LRP1B: variants seen among roughly 807,000 people sequenced by gnomAD.
LRP1B encodes low-density lipoprotein receptor-related protein 1B.
In LRP1B, 217 loss-of-function variants were observed where a neutral mutation model predicts 556.6. That is an observed-to-expected ratio of 0.39 (90% CI 0.35 to 0.44). The LOEUF is 0.44. LRP1B is among the 20% of genes least tolerant of loss of function. The pLI, the probability that LRP1B is intolerant of heterozygous loss-of-function variation, is 1.00. For missense variants in LRP1B, 5,053 were observed against 5,620.8 expected (o/e 0.90, Z 3.23); for synonymous variants, 2,047 against 1,865.8 (o/e 1.10, Z -2.50).
At chr2:142,034,344 C>T (rs12617281) in intron 1 of LRP1B, among the ~76,000 whole-genome samples, 4,457 of 151,778 alleles carry the variant, frequency 0.029, 157 homozygotes, top group South Asian at 0.14. Flanking sequence ...TTTTGCTTTA[C>T]CTCTACACAT....
intron 35 of LRP1B, among the ~76,000 whole-genome samples, chr2:140,732,912 G>C (rs1687825507): frequency 6.6e-6 from 1 of 152,096 alleles, no homozygotes. Flanking sequence ...AAGAAGGGTA[G>C]ATCAAGGACA....
chr2:140,722,907 T>A (rs2105478322), intron 35 of LRP1B, among the ~76,000 whole-genome samples: 1 of 152,086 alleles, frequency 6.6e-6, no homozygotes, highest in African/African-American at 2.4e-5. Context: ...GCCGGGCATG[T>A]TGGCGGGCGC....
intron 6 of LRP1B, among the ~76,000 whole-genome samples, chr2:141,209,890 G>T (rs934206657): frequency 2.6e-5 from 4 of 152,162 alleles, no homozygotes; most frequent in African/African-American, 9.7e-5. Context: ...TATGTTTAGA[G>T]CTGAGATTCT....
intron 41 of LRP1B, among the ~76,000 whole-genome samples, chr2:140,602,951 T>C (rs944802812): frequency 6.6e-6 from 1 of 151,928 alleles, no homozygotes; most frequent in African/African-American, 2.4e-5. Flanking sequence ...GCTGATAATA[T>C]TAACACAAAA....
At position 141,003,681 on chromosome 2, in the gene LRP1B, C is replaced by T. The variant is rs116597965; in HGVS notation, c.2503+1654G>A. 3.1e-3 allele frequency among the ~76,000 whole-genome samples: 470 copies of T among 152,104 alleles called. 3 individuals are homozygous for T. Among genetic ancestry groups the T allele is most frequent in the African/African-American group, 0.011 (457 of 41,516 alleles). On this transcript the variant is annotated intron_variant, in intron 15 of 90. Coordinates refer to ENST00000389484, the MANE Select transcript of LRP1B (RefSeq NM_018557.3). ...GTGAGGCCTCCTGAACTATGTAAGC[C>T]CATTAAACCTCTTTCTTTTGTAAAT...
intron 18 of LRP1B, among the ~76,000 whole-genome samples, chr2:140,972,004 A>T (rs1253660377): frequency 6.6e-6 from 1 of 152,228 alleles, no homozygotes; most frequent in Non-Finnish European, 1.5e-5. Context: ...AATTGGGGAA[A>T]TGCTGAGTTA....
chr2:140,325,165 CAGAGAAAAAGTATGAG>C (rs1558802691), intron 80 of LRP1B, among the ~76,000 whole-genome samples: 1 of 151,440 alleles, frequency 6.6e-6, no homozygotes, highest in African/African-American at 2.4e-5. Flanking sequence ...GACAGCCAGG[CAGAGAAAAAGTATGAG>C]GAAGAGAAGG....
chr2:141,075,546 A>G (rs939304399), intron 7 of LRP1B, among the ~76,000 whole-genome samples: 2 of 152,326 alleles, frequency 1.3e-5, no homozygotes, highest in Non-Finnish European at 2.9e-5. Flanking sequence ...TGAAAAGCTC[A>G]TGCTCAATAT....
At chr2:140,361,361 T>C (rs867230888) in intron 72 of LRP1B, among the ~76,000 whole-genome samples, 2 of 129,012 alleles carry the variant, frequency 1.6e-5, no homozygotes, top group Admixed American at 7.9e-5. Flanking sequence ...TATATATATA[T>C]ATATATATAT....
intron 71 of LRP1B, among the ~76,000 whole-genome samples, chr2:140,368,548 T>C (rs1682862347): frequency 6.6e-6 from 1 of 151,876 alleles, no homozygotes; most frequent in African/African-American, 2.4e-5. Context: ...CTTGAGGTCA[T>C]ATATTTTACC....
intron 3 of LRP1B, among the ~76,000 whole-genome samples, chr2:141,312,152 C>T (rs1686834862): frequency 6.6e-6 from 1 of 152,082 alleles, no homozygotes; most frequent in African/African-American, 2.4e-5. Flanking sequence ...CAAAGTGTGC[C>T]TGGCTGTCCT....
At chr2:140,429,515 T>C (rs994562856) in intron 66 of LRP1B, among the ~76,000 whole-genome samples, 16 of 152,268 alleles carry the variant, frequency 1.1e-4, no homozygotes, top group African/African-American at 3.6e-4. Flanking sequence ...GCTTCACAGA[T>C]AGCACCCGTT....
At chr2:142,031,341 T>A (rs981881964) in intron 1 of LRP1B, among the ~76,000 whole-genome samples, 2 of 126,008 alleles carry the variant, frequency 1.6e-5, no homozygotes, top group African/African-American at 2.8e-5. Context: ...TTTTTTTTTT[T>A]TTTTTTTATT....
intron 1 of LRP1B, among the ~76,000 whole-genome samples, chr2:141,985,382 G>A (rs1217019778): frequency 6.6e-6 from 1 of 151,838 alleles, no homozygotes; most frequent in Non-Finnish European, 1.5e-5. Context: ...ATCAAAGAGG[G>A]TCACTATTTT....
At chr2:142,015,680 A>G (rs1703098379) in intron 1 of LRP1B, among the ~76,000 whole-genome samples, 2 of 152,116 alleles carry the variant, frequency 1.3e-5, no homozygotes, top group South Asian at 4.1e-4. Context: ...ATTTACAAGA[A>G]AAAATCAACC....
At chr2:141,956,233 C>T (rs1270997400) in intron 1 of LRP1B, among the ~76,000 whole-genome samples, 1 of 151,948 alleles carries the variant, frequency 6.6e-6, no homozygotes, top group Admixed American at 6.6e-5. Context: ...GAATGAATTC[C>T]GACAGCTTTA....
chr2:140,694,775 TTTC>T (rs1686367409), intron 41 of LRP1B, among the ~76,000 whole-genome samples: 1 of 152,260 alleles, frequency 6.6e-6, no homozygotes, highest in Non-Finnish European at 1.5e-5. Context: ...CATTAATTAA[TTTC>T]TTATTAATGA....
intron 1 of LRP1B, among the ~76,000 whole-genome samples, chr2:142,112,873 T>C (rs1707052764): frequency 6.6e-6 from 1 of 152,114 alleles, no homozygotes; most frequent in Non-Finnish European, 1.5e-5. Flanking sequence ...AAGCAATGTG[T>C]GTTGCAATAA....
At chr2:140,451,856 C>A (rs1482210983) in intron 62 of LRP1B, among the ~76,000 whole-genome samples, 1 of 151,024 alleles carries the variant, frequency 6.6e-6, no homozygotes, top group African/African-American at 2.4e-5. Context: ...AAAAAAAAAA[C>A]TTTTCACTAA....
Sources: allele counts gnomAD v4.1 joint callset (sites outside exome capture counted in the v4.1 genomes callset), GRCh38; gene constraint gnomAD v4.1.1; transcripts MANE v1.5; gene names NCBI Gene and HGNC (gene_info 2026-07-23, HGNC 2026-07-21).